The following TBC1D19 variants were observed in gnomAD, a reference collection of about 807,000 sequenced individuals.
TBC1D19 encodes TBC1 domain family, member 19.
Under a neutral mutation model 89.0 loss-of-function variants are expected in TBC1D19, and 60 were observed. The observed-to-expected ratio is 0.67, with a 90% confidence interval of 0.55 to 0.84. The LOEUF is 0.84. Among genes scored for constraint, TBC1D19 ranks in the 40% least tolerant of loss-of-function variants. The pLI, the probability that TBC1D19 is intolerant of heterozygous loss-of-function variation, is 0.00. For synonymous variants in TBC1D19, 189 were observed against 199.7 expected (o/e 0.95, Z 0.45); for missense variants, 500 against 610.8 (o/e 0.82, Z 1.91).
At chr4:26,647,261 G>A (rs1311312182) in intron 7 of TBC1D19, among the ~76,000 whole-genome samples, 1 of 152,122 alleles carries the variant, frequency 6.6e-6, no homozygotes, top group Non-Finnish European at 1.5e-5. Flanking sequence ...GGAGGAACAG[G>A]GCTGTTAGTG....
At chr4:26,749,834 G>C (rs1323195232) in intron 19 of TBC1D19, among the ~76,000 whole-genome samples, 3 of 152,130 alleles carry the variant, frequency 2.0e-5, no homozygotes, top group Admixed American at 6.5e-5. Context: ...GGTATAATCA[G>C]AGATACCACT....
At position 26,613,155 on chromosome 4, in the gene TBC1D19, A is replaced by G. The variant is rs1449509121; in HGVS notation, c.100-14A>G. 1 of 1,458,904 alleles carries G rather than the reference A, an allele frequency of 6.9e-7. No individual in the cohort carries two copies. The highest frequency in any genetic ancestry group is 1.3e-5 in the South Asian group (1 of 76,192). The allele number at this position is 1,458,904 out of a possible 1,614,324, so 90.4% of individuals were successfully genotyped here. A position where few individuals can be genotyped will look rare whatever the true frequency, so the allele number is the denominator to read the frequency against. On this transcript the variant is annotated splice_polypyrimidine_tract_variant and intron_variant, in intron 1 of 20. Coordinates refer to ENST00000264866, the MANE Select transcript of TBC1D19 (RefSeq NM_018317.4). ...TTCCTTATCTTTCTTTTTTATTATT[A>G]TTATTATTCTTAGGCCAGTCTTCAG...
At chr4:26,789,265 C>G in the TBC1D19 span, among the ~76,000 whole-genome samples, 186 of 152,362 alleles carry the variant, frequency 1.2e-3, 2 homozygotes, top group African/African-American at 4.4e-3. Context: ...GGCAGCCAGA[C>G]TGCTCTTTCT....
chr4:26,642,253 G>T (rs904194501), intron 7 of TBC1D19, among the ~76,000 whole-genome samples: 5 of 152,204 alleles, frequency 3.3e-5, no homozygotes, highest in African/African-American at 9.6e-5. Context: ...CTACAAGCCA[G>T]AAGAGACTGG....
At chr4:26,671,035 T>C (rs1397504268) in intron 9 of TBC1D19, among the ~76,000 whole-genome samples, 1 of 151,508 alleles carries the variant, frequency 6.6e-6, no homozygotes, top group African/African-American at 2.4e-5. Flanking sequence ...GGTGCACATA[T>C]GTATGCATTA....
intron 7 of TBC1D19, among the ~76,000 whole-genome samples, chr4:26,652,684 G>A (rs1229172801): frequency 1.3e-5 from 2 of 152,182 alleles, no homozygotes; most frequent in African/African-American, 4.8e-5. Context: ...TCTGATGGTA[G>A]TTTGTATTTC....
At chr4:26,785,193 C>T in the TBC1D19 span, among the ~76,000 whole-genome samples, 1 of 152,112 alleles carries the variant, frequency 6.6e-6, no homozygotes, top group South Asian at 2.1e-4. Flanking sequence ...GTAGTTTTTA[C>T]AATCCAATTC....
At chr4:26,740,656 G>C in intron 17 of TBC1D19, 1 of 985,090 alleles carries the variant, frequency 1.0e-6, no homozygotes, top group Non-Finnish European at 1.2e-6. Context: ...ACCTGACTAA[G>C]AGCAGTATTT....
At chr4:26,599,429 T>C (rs1278952895) in intron 1 of TBC1D19, among the ~76,000 whole-genome samples, 1 of 152,216 alleles carries the variant, frequency 6.6e-6, no homozygotes, top group Non-Finnish European at 1.5e-5. Context: ...CCAACTTAGT[T>C]GGAAATATAA....
At chr4:26,703,865 G>A (rs1279632703) in intron 13 of TBC1D19, among the ~76,000 whole-genome samples, 1 of 149,394 alleles carries the variant, frequency 6.7e-6, no homozygotes, top group East Asian at 2.0e-4. Flanking sequence ...GGAGGCTGAG[G>A]CAGGAGAATG....
At chr4:26,790,040 G>C in the TBC1D19 span, among the ~76,000 whole-genome samples, 2 of 152,114 alleles carry the variant, frequency 1.3e-5, no homozygotes, top group African/African-American at 2.4e-5. Flanking sequence ...AGGGTGAGAG[G>C]GTGGAAGGAG....
chr4:26,673,159 A>C (rs140172102), intron 10 of TBC1D19, among the ~76,000 whole-genome samples: 1 of 151,766 alleles, frequency 6.6e-6, no homozygotes, highest in Admixed American at 6.6e-5. Context: ...TTTAAGAATA[A>C]TTTGAGCCTT....
chr4:26,610,889 A>G (rs1741338961), intron 1 of TBC1D19, among the ~76,000 whole-genome samples: 1 of 152,088 alleles, frequency 6.6e-6, no homozygotes, highest in South Asian at 2.1e-4. Context: ...TGCTATTGTG[A>G]ATAGTGCTGC....
chr4:26,731,980 A>G (rs1488151409), intron 15 of TBC1D19, among the ~76,000 whole-genome samples: 1 of 152,142 alleles, frequency 6.6e-6, no homozygotes, highest in Non-Finnish European at 1.5e-5. Context: ...GATTTGTTTG[A>G]TGGGAAAGTA....
intron 13 of TBC1D19, among the ~76,000 whole-genome samples, chr4:26,691,279 TAC>T (rs1714259487): frequency 3.3e-5 from 5 of 152,204 alleles, no homozygotes; most frequent in African/African-American, 4.8e-5. Context: ...GAAGCTACTA[TAC>T]ACATTGTTGA....
chr4:26,651,328 T>C (rs1744362873), intron 7 of TBC1D19, among the ~76,000 whole-genome samples: 1 of 152,194 alleles, frequency 6.6e-6, no homozygotes, highest in African/African-American at 2.4e-5. Flanking sequence ...TTTCACGATA[T>C]TGATTCTTCC....
chr4:26,637,736 T>A (rs1163014323), intron 5 of TBC1D19, among the ~76,000 whole-genome samples: 1 of 152,194 alleles, frequency 6.6e-6, no homozygotes, highest in Non-Finnish European at 1.5e-5. Context: ...AGGCCAATTA[T>A]GTGGGTATAT....
intron 14 of TBC1D19, 30 bp from the exon 15 acceptor site, chr4:26,720,051 A>G: frequency 6.5e-7 from 1 of 1,547,506 alleles, no homozygotes; most frequent in Admixed American, 2.0e-5. Flanking sequence ...ACTTAATCAT[A>G]TTGAAATCCT....
In TBC1D19 at chr4:26,737,671, C is replaced by T. The variant is rs140042812; in HGVS notation, c.1117+2184C>T. Among the ~76,000 whole-genome samples, 320 of 152,160 alleles carry T rather than the reference C, an allele frequency of 2.1e-3. 3 individuals are homozygous for T. The highest frequency in any genetic ancestry group is 7.4e-3 in the African/African-American group (309 of 41,568). On this transcript the variant is annotated intron_variant, in intron 16 of 20. Coordinates refer to ENST00000264866, the MANE Select transcript of TBC1D19 (RefSeq NM_018317.4). The stretch of plus-strand genomic sequence containing the variant: ...TACTATTTTAGAAAACTATTTTAAA[C>T]ATCCACAAAAACTTTACCAGCAACC...
Sources: allele counts gnomAD v4.1 joint callset (sites outside exome capture counted in the v4.1 genomes callset), GRCh38; gene constraint gnomAD v4.1.1; transcripts MANE v1.5; gene names NCBI Gene and HGNC (gene_info 2026-07-23, HGNC 2026-07-21).